ATRNL1: variants seen among roughly 807,000 people sequenced by gnomAD.
The protein encoded by ATRNL1 is attractin like 1, also known as attractin-like protein 1.
Under a neutral mutation model 182.7 loss-of-function variants are expected in ATRNL1, and 95 were observed. The observed-to-expected ratio is 0.52, with a 90% CI of 0.44 to 0.62. The LOEUF (loss-of-function observed/expected upper bound fraction) is 0.62. ATRNL1 is among the 20% of genes least tolerant of loss of function. ATRNL1 has a pLI of 0.00. For missense variants in ATRNL1, 1,471 were observed against 1,679.5 expected (o/e 0.88, Z 2.17); for synonymous variants, 576 against 568.3 (o/e 1.01, Z -0.19).
At chr10:115,862,693 T>G (rs943980765) in intron 28 of ATRNL1, among the ~76,000 whole-genome samples, 1 of 152,168 alleles carries the variant, frequency 6.6e-6, no homozygotes, top group Non-Finnish European at 1.5e-5. Context: ...CAGTCCCACT[T>G]CTAGGAATTT....
At chr10:115,172,843 T>G (rs1008291271) in intron 8 of ATRNL1, among the ~76,000 whole-genome samples, 1 of 72,960 alleles carries the variant, frequency 1.4e-5, no homozygotes, top group Non-Finnish European at 4.3e-5. Flanking sequence ...CTCAAGTTGT[T>G]TTTTTTTTTT....
At chr10:115,233,268 G>A (rs1432880906) in intron 9 of ATRNL1, among the ~76,000 whole-genome samples, 2 of 152,074 alleles carry the variant, frequency 1.3e-5, no homozygotes, top group East Asian at 3.9e-4. Context: ...ACACTCCAAG[G>A]TTCCAGGTGA....
intron 24 of ATRNL1, among the ~76,000 whole-genome samples, chr10:115,479,937 C>A (rs1848690317): frequency 6.6e-6 from 1 of 151,196 alleles, no homozygotes; most frequent in South Asian, 2.1e-4. Flanking sequence ...CTCTCAATTA[C>A]CTGTTTCTGA....
chr10:115,116,663 CA>C (rs1554870053), intron 1 of ATRNL1, among the ~76,000 whole-genome samples: 1 of 152,128 alleles, frequency 6.6e-6, no homozygotes, highest in African/African-American at 2.4e-5. Flanking sequence ...ATAGAAGTAG[CA>C]GGAGATTTCT....
chr10:115,259,226 A>T (rs1306306278), intron 10 of ATRNL1, among the ~76,000 whole-genome samples: 1 of 152,180 alleles, frequency 6.6e-6, no homozygotes, highest in African/African-American at 2.4e-5. Context: ...CTGGCCACAG[A>T]GGTGGAGTCT....
intron 27 of ATRNL1, among the ~76,000 whole-genome samples, chr10:115,776,311 C>T (rs1340056073): frequency 6.6e-6 from 1 of 152,184 alleles, no homozygotes; most frequent in Non-Finnish European, 1.5e-5. Context: ...GTATATGCCA[C>T]TACCAAGTAC....
intron 28 of ATRNL1, among the ~76,000 whole-genome samples, chr10:115,864,992 A>AAG (rs1565446037): frequency 6.6e-6 from 1 of 151,754 alleles, no homozygotes; most frequent in African/African-American, 2.4e-5. Flanking sequence ...AAAAAAAAAA[A>AAG]AAAAGAAAAG....
chr10:115,300,048 G>T lies in ATRNL1; in HGVS notation c.2430G>T (p.Trp810Cys). The change falls in exon 16 of 29, where the codon TGG (tryptophan) becomes TGT (cysteine). Residue 810 changes from tryptophan (W) to cysteine (C), a missense_variant. Physicochemically the swap from Trp to Cys is radical, Grantham distance 215. Transcript: ENST00000355044. Reference protein sequence around the residue: ...QKYTQQKVSPWVGLRKINISY... With the variant: ...QKYTQQKVSPCVGLRKINISY... ...GTTGTTTACAGAAAGTATCACCTTG[G>T]GTAGGCTTGCGCAAGATCAATATAT... is the stretch of plus-strand genomic sequence containing the variant. 1 of 1,611,666 alleles carries T rather than the reference G, an allele frequency of 6.2e-7. No homozygotes were observed. The highest frequency in any genetic ancestry group is 8.5e-7 in the Non-Finnish European group (1 of 1,178,476).
intron 8 of ATRNL1, among the ~76,000 whole-genome samples, chr10:115,188,687 TA>T (rs1304831847): frequency 6.6e-6 from 1 of 151,900 alleles, no homozygotes; most frequent in Non-Finnish European, 1.5e-5. Flanking sequence ...GGTATTTTTT[TA>T]ATATAAATTT....
At chr10:115,368,963 C>T (rs2134188163) in intron 19 of ATRNL1, among the ~76,000 whole-genome samples, 1 of 152,212 alleles carries the variant, frequency 6.6e-6, no homozygotes, top group East Asian at 1.9e-4. Context: ...ATCTGCCTGC[C>T]TTGGCCTCCC....
chr10:115,198,209 C>T (rs1554891515), intron 8 of ATRNL1, among the ~76,000 whole-genome samples: 1 of 152,084 alleles, frequency 6.6e-6, no homozygotes, highest in African/African-American at 2.4e-5. Context: ...ACGATTCTAA[C>T]AGATGTGAAA....
chr10:115,687,863 A>C (rs2804151), intron 26 of ATRNL1, among the ~76,000 whole-genome samples: 92,228 of 151,462 alleles, frequency 0.61, 28,805 homozygotes, highest in East Asian at 0.96. Flanking sequence ...TATATTATTG[A>C]GAAGTATAGT....
chr10:115,716,546 G>A (rs1163067910), intron 26 of ATRNL1, among the ~76,000 whole-genome samples: 8 of 152,116 alleles, frequency 5.3e-5, no homozygotes, highest in Admixed American at 4.6e-4. Flanking sequence ...CTAGCATGTT[G>A]TGGCTCAGAA....
intron 26 of ATRNL1, among the ~76,000 whole-genome samples, chr10:115,725,686 T>C (rs1344252936): frequency 6.6e-6 from 1 of 152,038 alleles, no homozygotes; most frequent in South Asian, 2.1e-4. Context: ...GGCATGTTGG[T>C]GTGTGTGTTT....
intron 1 of ATRNL1, among the ~76,000 whole-genome samples, chr10:115,096,203 A>T (rs979387662): frequency 4.6e-5 from 7 of 152,040 alleles, no homozygotes; most frequent in African/African-American, 1.7e-4. Context: ...ATTTCCTAGG[A>T]CTCATTGTAC....
At chr10:115,281,233 G>A (rs1220834126) in intron 13 of ATRNL1, 122 bp from the exon 14 acceptor site, 6 of 760,174 alleles carry the variant, frequency 7.9e-6, no homozygotes, top group Non-Finnish European at 1.2e-5. Context: ...TGATTCAGTT[G>A]AATTGTATTT....
At chr10:115,888,806 C>T (rs543193608) in intron 28 of ATRNL1, among the ~76,000 whole-genome samples, 7 of 152,180 alleles carry the variant, frequency 4.6e-5, no homozygotes, top group Non-Finnish European at 7.3e-5. Flanking sequence ...AGGCCATTTT[C>T]CTAGCATGTG....
intron 26 of ATRNL1, among the ~76,000 whole-genome samples, chr10:115,648,081 G>C (rs1450548108): frequency 6.6e-6 from 1 of 151,990 alleles, no homozygotes; most frequent in African/African-American, 2.4e-5. Flanking sequence ...GTTTTTGTCA[G>C]GTTTGTCAAA....
At chr10:115,746,800 C>A (rs1421257765) in intron 27 of ATRNL1, among the ~76,000 whole-genome samples, 1 of 152,056 alleles carries the variant, frequency 6.6e-6, no homozygotes, top group Non-Finnish European at 1.5e-5. Flanking sequence ...AGACCACAAG[C>A]AATATGAGAT....
Sources: allele counts gnomAD v4.1 joint callset (sites outside exome capture counted in the v4.1 genomes callset), GRCh38; gene constraint gnomAD v4.1.1; transcripts MANE v1.5; gene names NCBI Gene and HGNC (gene_info 2026-07-23, HGNC 2026-07-21).